The following PHEX variants were observed in gnomAD, a reference collection of about 807,000 sequenced individuals.
The protein encoded by PHEX is phosphate-regulating neutral endopeptidase PHEX.
In PHEX, 16 loss-of-function variants were observed where a neutral mutation model predicts 68.0. The observed-to-expected ratio is 0.24, with a 90% CI of 0.16 to 0.36. The LOEUF (loss-of-function observed/expected upper bound fraction) is 0.36, where lower values mean the gene tolerates loss of function less well. Among genes scored for constraint, PHEX ranks in the 10% least tolerant of loss-of-function variants. The pLI, the probability that PHEX is intolerant of heterozygous loss-of-function variation, is 1.00. For missense variants in PHEX, 480 were observed against 575.5 expected (o/e 0.83, Z 1.70); for synonymous variants, 208 against 205.1 (o/e 1.01, Z -0.12).
chrX:22,149,472 C>G (rs1932797542), intron 12 of PHEX, among the ~76,000 whole-genome samples: 1 of 112,776 alleles, frequency 8.9e-6, no homozygotes, highest in Admixed American at 9.3e-5. Flanking sequence ...TAAGGCTGGG[C>G]CCGTGGCTCA....
At chrX:22,073,634 A>ATTT (rs1929006629) in intron 3 of PHEX, among the ~76,000 whole-genome samples, 1 of 75,643 alleles carries the variant, frequency 1.3e-5, no homozygotes, top group African/African-American at 5.3e-5. Flanking sequence ...GCTGTGCTAT[A>ATTT]GTTTTTTTTT....
At chrX:22,241,581 T>C (rs760548676) in intron 20 of PHEX, among the ~76,000 whole-genome samples, 1 of 111,387 alleles carries the variant, frequency 9.0e-6, no homozygotes, top group South Asian at 3.8e-4. Context: ...TAAAAAATGA[T>C]AAAGGCGACA....
intron 9 of PHEX, among the ~76,000 whole-genome samples, chrX:22,102,043 C>T (rs369529753): frequency 1.3e-3 from 144 of 111,745 alleles, no homozygotes; most frequent in African/African-American, 4.3e-3. Context: ...GTATCTATCC[C>T]CTCAAGCATT....
intron 20 of PHEX, among the ~76,000 whole-genome samples, chrX:22,234,815 T>A (rs1482415359): frequency 1.5e-5 from 1 of 66,910 alleles, no homozygotes. Context: ...ACCAGTGGGG[T>A]ATCAAAAAAA....
chrX:22,250,263 A>T lies in PHEX; in HGVS notation c.*2310A>T, dbSNP rs1047259591. ...TCCTTTCTCTTGGATACCGATTGCT[A>T]AGATAAACAGACACTGATTAAGTGG... On this transcript the variant is annotated 3_prime_UTR_variant, in exon 22 of 22. Coordinates refer to ENST00000379374, the MANE Select transcript of PHEX (RefSeq NM_000444.6). 8.9e-6 allele frequency: 1 copy of T among 111,978 alleles called. No individual in the cohort carries two copies. Among genetic ancestry groups the T allele is most frequent in the Admixed American group, 9.5e-5 (1 of 10,474 alleles). 9.2% of individuals were successfully genotyped at this position (111,978 alleles called of 1,213,427 possible).
chrX:22,064,378 A>G (rs940433292), intron 3 of PHEX, among the ~76,000 whole-genome samples: 7 of 111,254 alleles, frequency 6.3e-5, no homozygotes, highest in Admixed American at 1.9e-4. Flanking sequence ...TTTAGCTCGC[A>G]TTTATAAGTG....
intron 8 of PHEX, among the ~76,000 whole-genome samples, chrX:22,097,455 CAG>C (rs907007150): frequency 8.9e-6 from 1 of 111,875 alleles, no homozygotes; most frequent in African/African-American, 3.2e-5. Flanking sequence ...CATCTGCTGT[CAG>C]AGCAGGAAGA....
chrX:22,221,768 G>T, intron 18 of PHEX, 25 bp downstream of exon 18: 1 of 1,181,094 alleles, frequency 8.5e-7, no homozygotes, highest in East Asian at 3.0e-5. Flanking sequence ...GGCTAAGGGG[G>T]GCACCTTGTG....
intron 14 of PHEX, among the ~76,000 whole-genome samples, chrX:22,186,637 A>G (rs1305315524): frequency 8.9e-6 from 1 of 112,519 alleles, no homozygotes; most frequent in African/African-American, 3.2e-5. Flanking sequence ...GCTTAATATC[A>G]GCTCTGGGTA....
intron 3 of PHEX, among the ~76,000 whole-genome samples, chrX:22,047,988 G>A (rs1233723643): frequency 2.7e-5 from 3 of 109,904 alleles, no homozygotes; most frequent in Non-Finnish European, 5.7e-5. Context: ...ACAACTGTGA[G>A]TTACACCATG....
intron 13 of PHEX, among the ~76,000 whole-genome samples, chrX:22,176,384 C>CA (rs61277745): frequency 1.0e-3 from 74 of 73,893 alleles, no homozygotes; most frequent in East Asian, 2.8e-3. Flanking sequence ...GAGACTGTCT[C>CA]AAAAAAAAAA....
chrX:22,246,011 A>G (rs751495089), intron 21 of PHEX, among the ~76,000 whole-genome samples: 3 of 112,042 alleles, frequency 2.7e-5, no homozygotes, highest in Non-Finnish European at 5.6e-5. Flanking sequence ...AGGAGGATAC[A>G]AAGTATTATT....
At chrX:22,185,354 C>G (rs773892939) in intron 14 of PHEX, among the ~76,000 whole-genome samples, 1 of 112,240 alleles carries the variant, frequency 8.9e-6, no homozygotes, top group Non-Finnish European at 1.9e-5. Context: ...ATTTGGACAA[C>G]AGTCAAAGCC....
intron 16 of PHEX, among the ~76,000 whole-genome samples, chrX:22,214,688 G>C (rs765265715): frequency 2.7e-5 from 3 of 112,121 alleles, no homozygotes; most frequent in African/African-American, 9.7e-5. Context: ...GGCTCTAGTG[G>C]CTGGAGAAAG....
At position 22,051,978 on chromosome X, in the gene PHEX, A is replaced by G. The variant is rs143660797; in HGVS notation, c.349+4767A>G. 8.5e-3 allele frequency among the ~76,000 whole-genome samples: 943 copies of G among 111,517 alleles called. 17 individuals carry two copies. Among genetic ancestry groups the G allele is most frequent in the African/African-American group, 0.029 (881 of 30,781 alleles). On this transcript the variant is annotated intron_variant, in intron 3 of 21. Coordinates refer to ENST00000379374, the MANE Select transcript of PHEX (RefSeq NM_000444.6). ...CTGAAACACTGAATCTTTAAATTCT[A>G]TCTATATCTTTTAATATATTCTATA...
chrX:22,035,999 TACACACACACACACAC>T (rs767503875), intron 1 of PHEX, among the ~76,000 whole-genome samples: 12 of 76,774 alleles, frequency 1.6e-4, no homozygotes, highest in South Asian at 1.4e-3. Flanking sequence ...TAATTAATTA[TACACACACACACACAC>T]ACACACACAC....
chrX:22,209,953 A>T (rs1471757536), intron 15 of PHEX, among the ~76,000 whole-genome samples: 1 of 102,655 alleles, frequency 9.7e-6, no homozygotes, highest in African/African-American at 4.1e-5. Context: ...AAAAAAAAAA[A>T]AATAAATAAA....
intron 20 of PHEX, among the ~76,000 whole-genome samples, chrX:22,236,954 A>G (rs1936003276): frequency 8.9e-6 from 1 of 112,509 alleles, no homozygotes; most frequent in South Asian, 3.6e-4. Flanking sequence ...AACTAAAGAG[A>G]TAGATAGATA....
chrX:22,106,790 A>T (rs1930714883), intron 9 of PHEX, among the ~76,000 whole-genome samples: 1 of 107,912 alleles, frequency 9.3e-6, no homozygotes, highest in East Asian at 2.9e-4. Context: ...AAAAAAAAAA[A>T]AAAAAACCAA....
Sources: gnomAD v4.1 joint callset for allele counts (sites outside exome capture counted in the v4.1 genomes callset) on GRCh38, gnomAD v4.1.1 for gene constraint, MANE v1.5 for transcripts, NCBI Gene and HGNC (gene_info 2026-07-23, HGNC 2026-07-21) for gene names.